UBE2D2: variants seen among roughly 807,000 people sequenced by gnomAD.
UBE2D2 encodes the protein ubiquitin conjugating enzyme E2 D2.
In UBE2D2, 2 loss-of-function variants were observed where a neutral mutation model predicts 24.2. That is an observed-to-expected ratio of 0.08 (90% confidence interval 0.03 to 0.26). The LOEUF is 0.26. Ranked by LOEUF, UBE2D2 falls within the 10% of genes least tolerant of loss-of-function variation. The probability of loss-of-function intolerance (pLI) is 1.00; values close to 1 mark genes in which losing one functional copy is unlikely to be tolerated. For synonymous variants in UBE2D2, 58 were observed against 56.5 expected (o/e 1.03, Z -0.12); for missense variants, 44 against 177.6 (o/e 0.25, Z 4.28).
At position 139,613,878 on chromosome 5, in the gene UBE2D2, G is replaced by T. The variant is rs1297304605; in HGVS notation, c.89-708G>T. Among the ~76,000 whole-genome samples, 9 of 152,190 alleles carry T rather than the reference G, an allele frequency of 5.9e-5. No individual in the cohort carries two copies. The East Asian group carries it at 9.7e-4, about 16-fold the overall frequency. On this transcript the variant is annotated intron_variant, in intron 2 of 6. Transcript: ENST00000398733. Reference sequence around the variant, plus strand: ...TCAGGAGTTTGAGACCTGGCCAAACGTGGCAAAACCTTGTCTCTACTAAAA... The same window carrying T: ...TCAGGAGTTTGAGACCTGGCCAAACTTGGCAAAACCTTGTCTCTACTAAAA...
intron 2 of UBE2D2, among the ~76,000 whole-genome samples, chr5:139,609,641 G>A (rs1381001768): frequency 6.6e-6 from 1 of 150,454 alleles, no homozygotes; most frequent in South Asian, 2.1e-4. Flanking sequence ...AAAGTGCTGG[G>A]ATTACAGGTG....
intron 1 of UBE2D2, among the ~76,000 whole-genome samples, chr5:139,594,193 A>G (rs1176758817): frequency 2.0e-5 from 3 of 152,170 alleles, no homozygotes; most frequent in Non-Finnish European, 2.9e-5. Flanking sequence ...AGGGTGGTTT[A>G]AAAATAGCTT....
At chr5:139,546,434 C>G (rs144322049) in intron 1 of UBE2D2, among the ~76,000 whole-genome samples, 16 of 152,236 alleles carry the variant, frequency 1.1e-4, no homozygotes, top group East Asian at 3.9e-4. Context: ...CCACTTGCCT[C>G]GGCCTCCCAA....
At chr5:139,552,509 C>CTTTTTT (rs35945797) in intron 1 of UBE2D2, among the ~76,000 whole-genome samples, 3 of 124,212 alleles carry the variant, frequency 2.4e-5, no homozygotes, top group African/African-American at 3.4e-5. Context: ...TTTCTTTTTT[C>CTTTTTT]TTTTTTTTTT....
At chr5:139,596,536 C>T (rs1209250394) in intron 1 of UBE2D2, among the ~76,000 whole-genome samples, 7 of 151,928 alleles carry the variant, frequency 4.6e-5, no homozygotes. Flanking sequence ...TTGTGATCCA[C>T]CCGCCTTGGC....
At chr5:139,547,404 C>A (rs956935615) in intron 1 of UBE2D2, among the ~76,000 whole-genome samples, 5 of 152,120 alleles carry the variant, frequency 3.3e-5, no homozygotes, top group African/African-American at 9.7e-5. Context: ...TTAGTAGAGA[C>A]GCGGTTTCAC....
intron 2 of UBE2D2, 45 bp from the exon 3 acceptor site, chr5:139,614,541 A>T: frequency 6.2e-7 from 1 of 1,607,358 alleles, no homozygotes; most frequent in Non-Finnish European, 8.5e-7. Flanking sequence ...CGTAGATACA[A>T]TGTAGATATT....
At chr5:139,553,749 C>A (rs1403480251) in intron 1 of UBE2D2, among the ~76,000 whole-genome samples, 1 of 152,018 alleles carries the variant, frequency 6.6e-6, no homozygotes, top group Non-Finnish European at 1.5e-5. Context: ...TACAATAAAT[C>A]TTTAATGTTT....
intron 2 of UBE2D2, among the ~76,000 whole-genome samples, chr5:139,601,596 A>G (rs935369875): frequency 6.6e-6 from 1 of 152,180 alleles, no homozygotes; most frequent in African/African-American, 2.4e-5. Context: ...CTTGGGCGAC[A>G]GAGTGAGACG....
In UBE2D2 at chr5:139,622,498, CT is replaced by C. The variant is rs1012058462; in HGVS notation, c.305-869del. 1.2e-4 allele frequency among the ~76,000 whole-genome samples: 18 copies of C among 151,454 alleles called. 2 individuals are homozygous for C. The highest frequency in any genetic ancestry group is 4.1e-4 in the African/African-American group (17 of 41,414). ...GATCTCGTGATCCACCCCCCTCCGCCTCCCAAAGTGCTGGGATTACAGGCAT... is the reference window on the plus strand; with the variant it reads ...GATCTCGTGATCCACCCCCCTCCGCCCCCAAAGTGCTGGGATTACAGGCAT... On this transcript the variant is annotated intron_variant, in intron 5 of 6. Coordinates refer to ENST00000398733, the MANE Select transcript of UBE2D2 (RefSeq NM_003339.3).
chr5:139,590,955 C>G (rs1353494904), intron 1 of UBE2D2, among the ~76,000 whole-genome samples: 2 of 151,374 alleles, frequency 1.3e-5, no homozygotes, highest in Non-Finnish European at 2.9e-5. Context: ...CCACCATGCC[C>G]AGCTAATTAT....
At position 139,600,360 on chromosome 5, in the gene UBE2D2, T is replaced by G. The variant is rs1266633883; in HGVS notation, c.25-12T>G. 1 of 1,613,022 alleles carries G rather than the reference T, an allele frequency of 6.2e-7. No homozygotes were observed. Among genetic ancestry groups the G allele is most frequent in the Non-Finnish European group, 8.5e-7 (1 of 1,179,662 alleles). Reference sequence around the variant, plus strand: ...ATGTTGAATATATTTCTTTTCTTTCTTTTTTCTGTAGGAATTGAATGATCT... The same window carrying G: ...ATGTTGAATATATTTCTTTTCTTTCGTTTTTCTGTAGGAATTGAATGATCT... On this transcript the variant is annotated splice_polypyrimidine_tract_variant and intron_variant, in intron 1 of 6. Transcript: ENST00000398733.
In UBE2D2 at chr5:139,555,924, CAAAAAAAAAA is replaced by C. The variant is rs1168084041; in HGVS notation, c.-64+29333_-64+29342del. ...CTGGTGACAAAGGAAGACTCCATCT[CAAAAAAAAAA>C]AAAAAAAAAAAAAAAAAAAAGGCCA... On this transcript the variant is annotated intron_variant, in intron 1 of 6. Transcript: ENST00000511725. Among the ~76,000 whole-genome samples the C allele has an allele frequency of 7.5e-4, 7 of 9,322 alleles. No individual in the cohort carries two copies. In the South Asian group the frequency reaches 0.024, roughly 31 times the overall value. The allele number at this position is 9,322 out of a possible 152,430, so 6.1% of individuals were successfully genotyped here. A position where few individuals can be genotyped will look rare whatever the true frequency, so the allele number is the denominator to read the frequency against.
At chr5:139,623,763 C>T (rs1754562865) in intron 6 of UBE2D2, 1 of 192,600 alleles carries the variant, frequency 5.2e-6, no homozygotes. Flanking sequence ...GCAGTCTTGG[C>T]TCACTGCAAC....
chr5:139,596,027 G>A (rs750019441), intron 1 of UBE2D2, among the ~76,000 whole-genome samples: 6 of 150,194 alleles, frequency 4.0e-5, no homozygotes, highest in Non-Finnish European at 8.9e-5. Context: ...CCGAGTAGCT[G>A]GGACTACAGG....
At chr5:139,537,766 C>T (rs1581479861) in intron 1 of UBE2D2, among the ~76,000 whole-genome samples, 1 of 151,804 alleles carries the variant, frequency 6.6e-6, no homozygotes, top group East Asian at 2.0e-4. Context: ...AGATTGAGAC[C>T]ATCCTGGCTA....
At chr5:139,607,745 G>A (rs1754228692) in intron 2 of UBE2D2, among the ~76,000 whole-genome samples, 1 of 152,172 alleles carries the variant, frequency 6.6e-6, no homozygotes, top group Non-Finnish European at 1.5e-5. Flanking sequence ...AGTGGCTCAT[G>A]CCTGTAATCC....
chr5:139,559,847 A>G (rs1000305021), upstream of UBE2D2, among the ~76,000 whole-genome samples: 1 of 152,094 alleles, frequency 6.6e-6, no homozygotes, highest in African/African-American at 2.4e-5. Flanking sequence ...ATTCTTTACT[A>G]TTCTCCTGTG....
rs772238897 is a variant in UBE2D2, at chr5:139,623,349, A to G, written c.305-19A>G. ...TTGCTTTGATCCTCTGCTAATTTAT[A>G]TGATTTTTTTCATTCTAGTACTCTT... On this transcript the variant is annotated intron_variant, in intron 5 of 6. Transcript: ENST00000398733. 10 of 1,552,010 alleles carry G rather than the reference A, an allele frequency of 6.4e-6. No homozygotes were observed. The highest frequency in any genetic ancestry group is 2.7e-5 in the African/African-American group (2 of 74,028).
Sources: gnomAD v4.1 joint callset for allele counts (sites outside exome capture counted in the v4.1 genomes callset) on GRCh38, gnomAD v4.1.1 for gene constraint, MANE v1.5 for transcripts, NCBI Gene and HGNC (gene_info 2026-07-23, HGNC 2026-07-21) for gene names.